NEK4: variants seen among roughly 807,000 people sequenced by gnomAD.
NEK4 encodes NIMA related kinase 4.
NEK4 carries 86 observed loss-of-function variants against 98.4 expected under a neutral mutation model. That is an observed-to-expected ratio of 0.87 (90% CI 0.73 to 1.05). The LOEUF (loss-of-function observed/expected upper bound fraction) is 1.05. Among genes scored for constraint, NEK4 ranks in the 50% least tolerant of loss-of-function variants. The pLI is 0.00. For synonymous variants in NEK4, 328 were observed against 342.2 expected (o/e 0.96, Z 0.46); for missense variants, 898 against 950.3 (o/e 0.94, Z 0.72).
At chr3:52,765,420 C>G (rs1698521751) in intron 4 of NEK4, among the ~76,000 whole-genome samples, 1 of 151,876 alleles carries the variant, frequency 6.6e-6, no homozygotes, top group African/African-American at 2.4e-5. Context: ...GGGCAACTAG[C>G]CTCATGGAAC....
Position 52,763,404 on chromosome 3 carries a change from A to G in NEK4, c.821+66T>C, listed in dbSNP as rs879168813. 186 of 1,437,314 alleles carry G rather than the reference A, an allele frequency of 1.3e-4. 1 individual carries two copies. The South Asian group carries it at 1.7e-3, about 13-fold the overall frequency. 89.0% of individuals were successfully genotyped at this position (1,437,314 alleles called of 1,614,324 possible). A position where few individuals can be genotyped will look rare whatever the true frequency, so the allele number is the denominator to read the frequency against. The stretch of plus-strand genomic sequence containing the variant: ...TCACCATTAATTCTTGCATATGAAT[A>G]TTACAGAAGCCACCCTCTTTCACCC... On this transcript the variant is annotated intron_variant, in intron 5 of 15. Transcript: ENST00000233027.
In NEK4 at chr3:52,768,495, T is replaced by C; in HGVS notation, c.203A>G (p.Tyr68Cys). ...SQLKHPNIVT[Y>C]KESWEGGDGL... ...ATCTCCTCCTTCCCATGACTCCTTG[T>C]AGGTGACAATGTTGGGATGCTTCAA... The change falls in exon 2 of 16, where the codon TAC (tyrosine) becomes TGC (cysteine). Residue 68 changes from tyrosine (Y) to cysteine (C), a missense_variant. Coordinates refer to ENST00000233027, the MANE Select transcript of NEK4 (RefSeq NM_003157.6). 6.2e-7 allele frequency: 1 copy of C among 1,614,202 alleles called. No individual in the cohort carries two copies. The highest frequency in any genetic ancestry group is 8.5e-7 in the Non-Finnish European group (1 of 1,180,010).
At chr3:52,744,368 C>G in intron 10 of NEK4, 63 bp from the exon 11 acceptor site, 2 of 1,195,128 alleles carry the variant, frequency 1.7e-6, no homozygotes, top group Non-Finnish European at 2.5e-6. Flanking sequence ...CACCTACAAT[C>G]CATGATGTAT....
chr3:52,767,689 G>C (rs186423097), intron 2 of NEK4, among the ~76,000 whole-genome samples: 1 of 149,990 alleles, frequency 6.7e-6, no homozygotes, highest in Admixed American at 6.7e-5. Flanking sequence ...TTGCACTCCA[G>C]CCTAGATAAC....
intron 15 of NEK4, among the ~76,000 whole-genome samples, chr3:52,723,981 C>A (rs1385937613): frequency 6.6e-6 from 1 of 152,186 alleles, no homozygotes; most frequent in Non-Finnish European, 1.5e-5. Context: ...ACCTGCTATC[C>A]TAGCATTTTG....
rs1244242839 is a variant in NEK4, at chr3:52,709,138, C to G, written c.*2639G>C. On this transcript the variant is annotated 3_prime_UTR_variant, in exon 16 of 16. Transcript: ENST00000233027. Reference sequence around the variant, plus strand: ...GGCGTAGGCTGCAGTGAGCCAAGATCGCACCACTGTACTCCAGCCTGGGCA... The same window carrying G: ...GGCGTAGGCTGCAGTGAGCCAAGATGGCACCACTGTACTCCAGCCTGGGCA... The G allele has an allele frequency of 6.7e-6, 1 of 150,300 alleles. No individual in the cohort carries two copies. The highest frequency in any genetic ancestry group is 2.5e-5 in the African/African-American group (1 of 40,624). The allele number at this position is 150,300 out of a possible 1,614,324, so 9.3% of individuals were successfully genotyped here. A position where few individuals can be genotyped will look rare whatever the true frequency, so the allele number is the denominator to read the frequency against.
intron 2 of NEK4, among the ~76,000 whole-genome samples, chr3:52,768,031 A>G (rs1034310689): frequency 1.3e-5 from 2 of 152,228 alleles, no homozygotes; most frequent in Admixed American, 6.5e-5. Flanking sequence ...TGACCAATGG[A>G]TAACAAACAT....
At chr3:52,718,986 A>G (rs1280028762) in intron 15 of NEK4, among the ~76,000 whole-genome samples, 1 of 152,048 alleles carries the variant, frequency 6.6e-6, no homozygotes, top group Non-Finnish European at 1.5e-5. Context: ...CGAACTCCCA[A>G]CCTCAGGTGA....
chr3:52,736,782 T>G (rs1025490099), intron 15 of NEK4, among the ~76,000 whole-genome samples: 1 of 152,172 alleles, frequency 6.6e-6, no homozygotes, highest in East Asian at 1.9e-4. Context: ...AGGCATACAT[T>G]AGTCTTTATC....
chr3:52,764,556 G>A (rs1019190150), intron 4 of NEK4, among the ~76,000 whole-genome samples: 2 of 151,794 alleles, frequency 1.3e-5, no homozygotes, highest in Admixed American at 6.6e-5. Flanking sequence ...GCGTGAACCC[G>A]AGAGGCAGAG....
intron 3 of NEK4, 58 bp downstream of exon 3, chr3:52,766,120 G>A: frequency 7.3e-6 from 11 of 1,514,882 alleles, no homozygotes; most frequent in South Asian, 1.2e-5. Flanking sequence ...ATTAACTTCT[G>A]AAATTACAAG....
intron 10 of NEK4, 60 bp downstream of exon 10, chr3:52,746,001 G>A: frequency 6.7e-7 from 1 of 1,493,198 alleles, no homozygotes; most frequent in Non-Finnish European, 9.3e-7. Context: ...GGGATTACAT[G>A]CATGATACAC....
intron 13 of NEK4, among the ~76,000 whole-genome samples, chr3:52,740,773 CAG>C (rs2097384456): frequency 6.6e-6 from 1 of 151,810 alleles, no homozygotes; most frequent in African/African-American, 2.4e-5. Context: ...GTCTAGATGA[CAG>C]AGTTAGACTC....
intron 6 of NEK4, among the ~76,000 whole-genome samples, chr3:52,757,555 CAA>C (rs541943769): frequency 3.0e-4 from 22 of 72,194 alleles, no homozygotes; most frequent in Non-Finnish European, 3.8e-4. Flanking sequence ...GACTCCGTCT[CAA>C]AAAAAAAAAA....
chr3:52,753,186 C>T (rs1271592151), intron 6 of NEK4, among the ~76,000 whole-genome samples: 1 of 151,996 alleles, frequency 6.6e-6, no homozygotes, highest in Non-Finnish European at 1.5e-5. Context: ...TGCCTGTAGT[C>T]CCAGCTACTT....
At position 52,752,168 on chromosome 3, in the gene NEK4, C is replaced by A; in HGVS notation, c.1132G>T (p.Val378Leu). 7.4e-6 allele frequency: 12 copies of A among 1,614,232 alleles called. No individual in the cohort carries two copies. The highest frequency in any genetic ancestry group is 1.0e-5 in the Non-Finnish European group (12 of 1,180,050). ...TTCTCCTGAACAAAGCCATCACTCACTGAATCCCTCCCTTTTGCAGGTAAG... is the reference window on the plus strand; with the variant it reads ...TTCTCCTGAACAAAGCCATCACTCAATGAATCCCTCCCTTTTGCAGGTAAG... ...DILPAKGRDSVSDGFVQENQP... is the reference protein window; with the variant it reads ...DILPAKGRDSLSDGFVQENQP... The change falls in exon 7 of 16, where the codon GTG becomes TTG. Residue 378 changes from valine (V) to leucine (L), a missense_variant. Coordinates refer to ENST00000233027, the MANE Select transcript of NEK4 (RefSeq NM_003157.6).
chr3:52,730,398 G>A (rs752157883), intron 15 of NEK4, among the ~76,000 whole-genome samples: 3 of 152,196 alleles, frequency 2.0e-5, no homozygotes, highest in Non-Finnish European at 4.4e-5. Context: ...CTTTTCCAGA[G>A]AGTTGAGGAG....
chr3:52,719,944 C>T (rs1038884257), intron 15 of NEK4, among the ~76,000 whole-genome samples: 1 of 152,110 alleles, frequency 6.6e-6, no homozygotes, highest in Non-Finnish European at 1.5e-5. Context: ...GCACCATTAA[C>T]TGCACCAAAT....
intron 6 of NEK4, among the ~76,000 whole-genome samples, chr3:52,758,296 A>G (rs1416122815): frequency 6.6e-6 from 1 of 151,970 alleles, no homozygotes; most frequent in Non-Finnish European, 1.5e-5. Context: ...GTTCAGTTTT[A>G]CAATATGAGA....
Sources: gnomAD v4.1 joint callset for allele counts (sites outside exome capture counted in the v4.1 genomes callset) on GRCh38, gnomAD v4.1.1 for gene constraint, MANE v1.5 for transcripts, NCBI Gene and HGNC (gene_info 2026-07-23, HGNC 2026-07-21) for gene names.